The following ETV5 variants were observed in gnomAD, a reference collection of about 807,000 sequenced individuals.
The protein encoded by ETV5 is ETS variant transcription factor 5.
A neutral mutation model predicts 70.0 loss-of-function variants in ETV5; 10 were observed. The observed-to-expected ratio is 0.14, with a 90% CI of 0.09 to 0.24. The LOEUF (loss-of-function observed/expected upper bound fraction) is 0.24, where lower values mean the gene tolerates loss of function less well. Ranked by LOEUF, ETV5 falls within the 10% of genes least tolerant of loss-of-function variation. ETV5 has a pLI of 1.00. For synonymous variants in ETV5, 216 were observed against 242.2 expected (o/e 0.89, Z 1.01); for missense variants, 453 against 651.2 (o/e 0.70, Z 3.31).
At chr3:186,069,227 A>G (rs181960113) in intron 7 of ETV5, among the ~76,000 whole-genome samples, 1 of 152,334 alleles carries the variant, frequency 6.6e-6, no homozygotes, top group African/African-American at 2.4e-5. Context: ...GGCAATTTAC[A>G]TGTACTTATC....
At chr3:186,066,450 T>C (rs1432444135) in intron 7 of ETV5, among the ~76,000 whole-genome samples, 1 of 152,100 alleles carries the variant, frequency 6.6e-6, no homozygotes, top group Non-Finnish European at 1.5e-5. Flanking sequence ...TTCTCTCACC[T>C]ATAGATAGAA....
intron 7 of ETV5, among the ~76,000 whole-genome samples, chr3:186,070,337 C>T (rs1713571168): frequency 6.6e-6 from 1 of 152,234 alleles, no homozygotes; most frequent in South Asian, 2.1e-4. Flanking sequence ...GGCCTCACTT[C>T]CGCTTAGTGC....
At chr3:186,085,074 C>CA (rs771987139) in intron 5 of ETV5, among the ~76,000 whole-genome samples, 2 of 151,902 alleles carry the variant, frequency 1.3e-5, no homozygotes. Context: ...TTAATGCTTC[C>CA]ATTGTCTTCA....
At chr3:186,070,252 A>G (rs1413086036) in intron 7 of ETV5, among the ~76,000 whole-genome samples, 1 of 152,180 alleles carries the variant, frequency 6.6e-6, no homozygotes, top group Admixed American at 6.5e-5. Flanking sequence ...TCCAGAAATC[A>G]GTTCCTTTGA....
chr3:186,067,651 A>G (rs1272731462), intron 7 of ETV5, among the ~76,000 whole-genome samples: 1 of 152,192 alleles, frequency 6.6e-6, no homozygotes, highest in Non-Finnish European at 1.5e-5. Flanking sequence ...AAGTAAATAT[A>G]TATGAAAACT....
chr3:186,050,965 C>T (rs1198512334), intron 12 of ETV5, among the ~76,000 whole-genome samples: 1 of 152,142 alleles, frequency 6.6e-6, no homozygotes, highest in Non-Finnish European at 1.5e-5. Context: ...TGATAATGTA[C>T]ATGCATGTAA....
At chr3:186,078,363 C>G in intron 7 of ETV5, 1 of 274,158 alleles carries the variant, frequency 3.6e-6, no homozygotes, top group East Asian at 6.2e-5. Flanking sequence ...TCCCCATAAC[C>G]CTTGCAGAAA....
chr3:186,104,536 A>G (rs1177202515), intron 5 of ETV5, among the ~76,000 whole-genome samples: 2 of 152,140 alleles, frequency 1.3e-5, no homozygotes, highest in Admixed American at 6.5e-5. Context: ...GATGAAGCCA[A>G]AGTTAACTGG....
At chr3:186,079,289 C>T (rs1225943573) in intron 7 of ETV5, 2 of 230,956 alleles carry the variant, frequency 8.7e-6, no homozygotes, top group Non-Finnish European at 1.7e-5. Context: ...ATGTAAAAAC[C>T]ACCTGCAGTG....
intron 5 of ETV5, among the ~76,000 whole-genome samples, chr3:186,090,255 C>CA (rs1018684282): frequency 6.6e-6 from 1 of 152,172 alleles, no homozygotes; most frequent in Non-Finnish European, 1.5e-5. Flanking sequence ...TCTAGCCTTA[C>CA]ACAAGGATAT....
rs547190842 is a variant in ETV5 at position 186,105,705 on chromosome 3, C to G, written c.53G>C (p.Arg18Pro). ...AGGCCGCCCTCTGCATTCCTCAGAT[C>G]GAGATTTCTGAAAGAGGCCAACAGA... ...QVPFMVPGKSRSEECRGRPVI... is the reference protein window; with the variant it reads ...QVPFMVPGKSPSEECRGRPVI... The change falls in exon 3 of 13, where the codon CGA becomes CCA. Residue 18 changes from arginine (R) to proline (P), a missense_variant. Physicochemically the swap from Arg to Pro is moderately radical, Grantham distance 103. This residue lies in a region of ETV5 where 47 missense variants were observed against 96.8 expected (regional missense o/e 0.49). Transcript: ENST00000306376. The surrounding 1 kb of genome is among the most constrained non-coding windows in gnomAD (Gnocchi z 4.5). 3.7e-6 allele frequency: 6 copies of G among 1,613,982 alleles called. No homozygotes were observed. The highest frequency in any genetic ancestry group is 2.2e-5 in the South Asian group (2 of 91,074).
At chr3:186,078,047 T>C in intron 7 of ETV5, 2 of 1,056,826 alleles carry the variant, frequency 1.9e-6, no homozygotes, top group African/African-American at 1.6e-5. Flanking sequence ...AAATAACTCA[T>C]CAATCCCAGG....
intron 5 of ETV5, among the ~76,000 whole-genome samples, chr3:186,084,506 C>T (rs1714010036): frequency 6.6e-6 from 1 of 151,998 alleles, no homozygotes; most frequent in Non-Finnish European, 1.5e-5. Context: ...CACAGAGTAT[C>T]TTCGATGGGC....
chr3:186,105,904 T>C lies in ETV5; in HGVS notation c.-36A>G. The C allele has an allele frequency of 6.2e-7, 1 of 1,610,680 alleles. No homozygotes were observed. The highest frequency in any genetic ancestry group is 8.5e-7 in the Non-Finnish European group (1 of 1,178,302). ...GCGTCTCTAATACCACTTTGAGAGGTTTCAGCATTGAGTAATTTCTGGGGG... is the reference window on the plus strand; with the variant it reads ...GCGTCTCTAATACCACTTTGAGAGGCTTCAGCATTGAGTAATTTCTGGGGG... On this transcript the variant is annotated 5_prime_UTR_variant, in exon 2 of 13. Coordinates refer to ENST00000306376, the MANE Select transcript of ETV5 (RefSeq NM_004454.3). This position sits in a 1 kb window ranked among gnomAD's most constrained non-coding sequence, Gnocchi z 4.5.
Position 186,105,574 on chromosome 3 carries a change from C to T in ETV5, c.133+51G>A. The T allele has an allele frequency of 6.2e-7, 1 of 1,611,536 alleles. No individual in the cohort carries two copies. On this transcript the variant is annotated intron_variant, in intron 3 of 12. Transcript: ENST00000306376. The surrounding 1 kb of genome is among the most constrained non-coding windows in gnomAD (Gnocchi z 4.5). ...AAGACAGGGAAGAATCTACACGCTA[C>T]TGTCACTGGGAGCAGGGAAGCCACA...
At chr3:186,082,164 T>C (rs1191355464) in intron 5 of ETV5, among the ~76,000 whole-genome samples, 1 of 152,266 alleles carries the variant, frequency 6.6e-6, no homozygotes, top group African/African-American at 2.4e-5. Context: ...CATTTTGCGC[T>C]ATAAGGGCTG....
At chr3:186,063,495 C>A (rs1323916464) in intron 9 of ETV5, among the ~76,000 whole-genome samples, 2 of 152,222 alleles carry the variant, frequency 1.3e-5, no homozygotes, top group African/African-American at 4.8e-5. Context: ...GTGAGATGAT[C>A]TCAGAGACTT....
intron 7 of ETV5, chr3:186,078,115 C>T (rs1713842070): frequency 9.5e-7 from 1 of 1,051,626 alleles, no homozygotes; most frequent in African/African-American, 1.7e-5. Context: ...GCTTATTTCA[C>T]AGCTGAGACT....
In ETV5 at chr3:186,048,589, T is replaced by C. The variant is rs777814923; in HGVS notation, c.*50A>G. 1 of 1,536,688 alleles carries C rather than the reference T, an allele frequency of 6.5e-7. No homozygotes were observed. Among genetic ancestry groups the C allele is most frequent in the Non-Finnish European group, 9.0e-7 (1 of 1,111,386 alleles). On this transcript the variant is annotated 3_prime_UTR_variant, in exon 13 of 13. Transcript: ENST00000306376. The stretch of plus-strand genomic sequence containing the variant: ...AACAAAACCACTGCCCTTGTTTGCC[T>C]GAATGGGAACTGCTAGCTCTAGGGT...
Sources: allele counts gnomAD v4.1 joint callset (sites outside exome capture counted in the v4.1 genomes callset), GRCh38; gene constraint gnomAD v4.1.1; regional missense constraint gnomAD v4.1.1; non-coding constraint Gnocchi (gnomAD v3.1); transcripts MANE v1.5; gene names NCBI Gene and HGNC (gene_info 2026-07-23, HGNC 2026-07-21).